The following HERC4 variants were observed in gnomAD, a reference collection of about 807,000 sequenced individuals.
HERC4 encodes the protein HECT and RLD domain containing E3 ubiquitin protein ligase 4.
A neutral mutation model predicts 124.3 loss-of-function variants in HERC4; 28 were observed. The observed-to-expected ratio is 0.23, with a 90% CI of 0.17 to 0.31. The LOEUF (loss-of-function observed/expected upper bound fraction) is 0.31, where lower values mean the gene tolerates loss of function less well. HERC4 is among the 10% of genes least tolerant of loss of function. The pLI is 1.00. For synonymous variants in HERC4, 407 were observed against 421.5 expected, an observed-to-expected ratio of 0.97 and a Z score of 0.42; for missense variants, 713 against 1,229.3, an observed-to-expected ratio of 0.58 and a Z score of 6.28.
intron 9 of HERC4, among the ~76,000 whole-genome samples, chr10:68,012,228 T>C (rs1356224328): frequency 6.6e-6 from 1 of 152,212 alleles, no homozygotes; most frequent in Non-Finnish European, 1.5e-5. Context: ...TGTTTTTCAC[T>C]TTCTTACCAT....
intron 15 of HERC4, among the ~76,000 whole-genome samples, chr10:67,968,486 C>A (rs2035029697): frequency 6.6e-6 from 1 of 151,878 alleles, no homozygotes; most frequent in South Asian, 2.1e-4. Context: ...CATTCTCCTG[C>A]CACAGCCTCC....
At chr10:68,020,674 C>G (rs1266321420) in intron 8 of HERC4, among the ~76,000 whole-genome samples, 1 of 149,492 alleles carries the variant, frequency 6.7e-6, no homozygotes, top group Non-Finnish European at 1.5e-5. Context: ...GAGGCTGAGG[C>G]AGGAGAATGG....
chr10:68,029,064 C>T (rs1159291577), intron 7 of HERC4, among the ~76,000 whole-genome samples: 2 of 151,884 alleles, frequency 1.3e-5, no homozygotes, highest in Non-Finnish European at 2.9e-5. Flanking sequence ...GCTCCAGCTA[C>T]TCAGGAGACT....
intron 9 of HERC4, among the ~76,000 whole-genome samples, chr10:67,998,388 A>C (rs1374710385): frequency 6.6e-6 from 1 of 151,558 alleles, no homozygotes; most frequent in Non-Finnish European, 1.5e-5. Context: ...TCTCTACTAA[A>C]AATACAAAAA....
chr10:68,005,404 T>C (rs1218491889), intron 9 of HERC4, among the ~76,000 whole-genome samples: 1 of 152,232 alleles, frequency 6.6e-6, no homozygotes, highest in Non-Finnish European at 1.5e-5. Flanking sequence ...TTTCCATCCC[T>C]TTATTTTCAG....
intron 15 of HERC4, among the ~76,000 whole-genome samples, chr10:67,986,910 C>G: frequency 6.6e-6 from 1 of 152,044 alleles, no homozygotes; most frequent in Admixed American, 6.5e-5. Flanking sequence ...ATCAAGCCCC[C>G]TTCTAAAGAG....
At chr10:67,992,562 A>G in intron 10 of HERC4, 44 bp downstream of exon 10, 1 of 1,217,444 alleles carries the variant, frequency 8.2e-7, no homozygotes, top group Non-Finnish European at 1.2e-6. Flanking sequence ...AAATTTGTCA[A>G]AATTATTGGA....
chr10:67,923,081 G>C lies in HERC4; in HGVS notation c.3000C>G (p.Val1000=). ...CCTCACCACCTCCTGTGGACTGGAT[G>C]ACTAGTTTCAGACTCTTCATACCAA... is the stretch of plus-strand genomic sequence containing the variant. The part of the protein sequence containing the change: ...PILGMKSLKL[V]IQSTGGGEEY... Residue 1000 remains valine (V), a synonymous_variant, in exon 25 of 25, where the codon GTC becomes GTG. Transcript: ENST00000373700. 2 of 1,613,870 alleles carry C rather than the reference G, an allele frequency of 1.2e-6. No individual in the cohort carries two copies. Among genetic ancestry groups the C allele is most frequent in the Non-Finnish European group, 1.7e-6 (2 of 1,179,914 alleles).
intron 7 of HERC4, among the ~76,000 whole-genome samples, chr10:68,031,520 A>T (rs1194506172): frequency 2.6e-5 from 4 of 152,220 alleles, no homozygotes; most frequent in Non-Finnish European, 5.9e-5. Flanking sequence ...AATGGCAAAA[A>T]AATGAAATTA....
chr10:68,052,223 T>C (rs2040351694), intron 3 of HERC4, among the ~76,000 whole-genome samples: 1 of 152,190 alleles, frequency 6.6e-6, no homozygotes, highest in South Asian at 2.1e-4. Context: ...AGATAACGAC[T>C]TCGAATACAT....
intron 7 of HERC4, among the ~76,000 whole-genome samples, chr10:68,032,521 T>C (rs767843056): frequency 6.6e-6 from 1 of 152,204 alleles, no homozygotes; most frequent in Non-Finnish European, 1.5e-5. Flanking sequence ...CAGTATTTCA[T>C]ATAAAGCTGA....
At chr10:67,926,781 G>A (rs1047113738) in intron 23 of HERC4, among the ~76,000 whole-genome samples, 5 of 152,196 alleles carry the variant, frequency 3.3e-5, no homozygotes, top group African/African-American at 1.2e-4. Context: ...AGTAAGAGGC[G>A]TTCCCAGATT....
chr10:67,940,578 C>T (rs1035424653), intron 20 of HERC4, among the ~76,000 whole-genome samples: 23 of 151,998 alleles, frequency 1.5e-4, no homozygotes, highest in African/African-American at 5.3e-4. Context: ...GGCCACCACG[C>T]CTGGCTAATT....
intron 15 of HERC4, among the ~76,000 whole-genome samples, chr10:67,969,767 A>C (rs185485062): frequency 1.3e-5 from 2 of 152,252 alleles, no homozygotes; most frequent in East Asian, 3.9e-4. Flanking sequence ...CTGCCACACA[A>C]AAAAATCGGA....
At chr10:67,947,837 CTCTT>C (rs2033488640) in intron 19 of HERC4, among the ~76,000 whole-genome samples, 1 of 142,186 alleles carries the variant, frequency 7.0e-6, no homozygotes, top group Non-Finnish European at 1.5e-5. Flanking sequence ...AAACAATACA[CTCTT>C]TTTTTTTTTT....
chr10:67,984,982 C>T (rs1425105684), intron 15 of HERC4, among the ~76,000 whole-genome samples: 2 of 152,010 alleles, frequency 1.3e-5, no homozygotes, highest in Non-Finnish European at 2.9e-5. Context: ...ATTAAAGAAA[C>T]GCAACCAGTG....
intron 5 of HERC4, among the ~76,000 whole-genome samples, chr10:68,037,535 C>A (rs631322): frequency 1.3e-5 from 2 of 152,032 alleles, no homozygotes; most frequent in Non-Finnish European, 2.9e-5. Flanking sequence ...GATGTTTAGC[C>A]TTCTTTATTT....
intron 3 of HERC4, among the ~76,000 whole-genome samples, chr10:68,070,836 A>G (rs978739514): frequency 6.6e-5 from 10 of 152,048 alleles, no homozygotes; most frequent in Admixed American, 2.0e-4. Flanking sequence ...CTCCAGACTT[A>G]TTTCCTAGCT....
At position 68,059,660 on chromosome 10, in the gene HERC4, ATTATATATTATATTATATATC is replaced by A. The variant is rs1564608453; in HGVS notation, c.226+13202_226+13222del. 5.4e-3 allele frequency among the ~76,000 whole-genome samples: 418 copies of A among 77,188 alleles called. 115 individuals are homozygous for A. The highest frequency in any genetic ancestry group is 0.028 in the African/African-American group (395 of 14,026). 50.6% of individuals were successfully genotyped at this position (77,188 alleles called of 152,430 possible). A position where few individuals can be genotyped will look rare whatever the true frequency, so the allele number is the denominator to read the frequency against. On this transcript the variant is annotated intron_variant, in intron 3 of 24. Coordinates refer to ENST00000373700, the MANE Select transcript of HERC4 (RefSeq NM_015601.4). ...TATTATATATTATATTATATATCAT[ATTATATATTATATTATATATC>A]ATAATATTATATATTATAATATTAT...
Sources: allele counts gnomAD v4.1 joint callset (sites outside exome capture counted in the v4.1 genomes callset), GRCh38; gene constraint gnomAD v4.1.1; transcripts MANE v1.5; gene names NCBI Gene and HGNC (gene_info 2026-07-23, HGNC 2026-07-21).